RASGRP3: variants seen among roughly 807,000 people sequenced by gnomAD.
RASGRP3 encodes the protein ras guanyl-releasing protein 3.
Under a neutral mutation model 82.7 loss-of-function variants are expected in RASGRP3, and 54 were observed. The observed-to-expected ratio is 0.65, with a 90% CI of 0.52 to 0.82. RASGRP3 has a LOEUF of 0.82. Ranked by LOEUF, RASGRP3 falls within the 40% of genes least tolerant of loss-of-function variation. The pLI, the probability that RASGRP3 is intolerant of heterozygous loss-of-function variation, is 0.00. For missense variants in RASGRP3, 861 were observed against 828.9 expected, an observed-to-expected ratio of 1.04 and a Z score of -0.48; for synonymous variants, 309 against 300.5, an observed-to-expected ratio of 1.03 and a Z score of -0.29.
chr2:33,530,777 GC>G (rs1402021830), intron 10 of RASGRP3: 1 of 152,168 alleles, frequency 6.6e-6, no homozygotes, highest in African/African-American at 2.4e-5. Flanking sequence ...TGTATCCTTG[GC>G]CCCTTGAATA....
chr2:33,440,438 A>G (rs1381064772), intron 1 of RASGRP3, among the ~76,000 whole-genome samples: 1 of 152,222 alleles, frequency 6.6e-6, no homozygotes, highest in Non-Finnish European at 1.5e-5. Context: ...TGTAGGGGCC[A>G]AAGCCCTCAC....
At chr2:33,489,965 G>C (rs556708494) in intron 1 of RASGRP3, among the ~76,000 whole-genome samples, 1 of 152,322 alleles carries the variant, frequency 6.6e-6, no homozygotes, top group South Asian at 2.1e-4. Flanking sequence ...CAGGAAAAGA[G>C]AACTGAGGGC....
chr2:33,516,954 A>G (rs796332465), intron 4 of RASGRP3, among the ~76,000 whole-genome samples: 15 of 152,372 alleles, frequency 9.8e-5, no homozygotes, highest in African/African-American at 3.4e-4. Flanking sequence ...AGAATATTTA[A>G]CAATGATTCA....
intron 1 of RASGRP3, among the ~76,000 whole-genome samples, chr2:33,437,080 T>C (rs1163561201): frequency 2.6e-5 from 4 of 152,174 alleles, no homozygotes; most frequent in African/African-American, 7.2e-5. Context: ...GATAACAAAT[T>C]TTAATACAGG....
At chr2:33,495,935 C>G (rs555646574) in intron 1 of RASGRP3, among the ~76,000 whole-genome samples, 1 of 152,276 alleles carries the variant, frequency 6.6e-6, no homozygotes, top group East Asian at 1.9e-4. Context: ...AATGTTGCCT[C>G]ATGGGGATGC....
At chr2:33,476,337 C>G (rs1667366689), upstream of RASGRP3, 2 of 152,228 alleles carry the variant, frequency 1.3e-5, no homozygotes, top group Admixed American at 6.5e-5. Flanking sequence ...CCAGTCTCCC[C>G]CTCTGCGCAC....
At chr2:33,478,511 A>C (rs1285161620) in intron 1 of RASGRP3, among the ~76,000 whole-genome samples, 1 of 152,194 alleles carries the variant, frequency 6.6e-6, no homozygotes, top group Non-Finnish European at 1.5e-5. Context: ...AGCCTCCCAT[A>C]ATAAAATGGA....
intron 2 of RASGRP3, among the ~76,000 whole-genome samples, chr2:33,459,729 A>G (rs979128898): frequency 2.6e-5 from 4 of 152,132 alleles, no homozygotes; most frequent in African/African-American, 9.7e-5. Context: ...GATCAGTATA[A>G]ATGCAATGAA....
chr2:33,457,308 G>C (rs907611391), intron 2 of RASGRP3, among the ~76,000 whole-genome samples: 1 of 152,016 alleles, frequency 6.6e-6, no homozygotes, highest in South Asian at 2.1e-4. Flanking sequence ...AAAAAACCTG[G>C]AACCCTCTTT....
rs1017184282 is a variant in RASGRP3 at position 33,514,609 on chromosome 2, C to T, written c.-127-401C>T. Among the ~76,000 whole-genome samples, 4 of 151,330 alleles carry T rather than the reference C, an allele frequency of 2.6e-5. No individual in the cohort carries two copies. In the East Asian group the frequency reaches 7.7e-4, roughly 29 times the overall value. On this transcript the variant is annotated intron_variant, in intron 2 of 17. Transcript: ENST00000403687. ...CAGAAGTGGGAGAATTGCTTGAACC[C>T]GGGAGGTCGAGGCTGCTGTGAGCCG...
chr2:33,474,578 T>C (rs1015496505), upstream of RASGRP3, among the ~76,000 whole-genome samples: 3 of 152,122 alleles, frequency 2.0e-5, no homozygotes, highest in African/African-American at 7.2e-5. Flanking sequence ...GCTGGGATTA[T>C]AGGCATGAGC....
intron 12 of RASGRP3, among the ~76,000 whole-genome samples, chr2:33,542,765 C>T (rs1035044947): frequency 3.3e-5 from 4 of 121,602 alleles, no homozygotes; most frequent in African/African-American, 7.7e-5. Flanking sequence ...CTCACTGCAA[C>T]CTCCTCCTCC....
At chr2:33,455,849 G>A (rs1206108944) in intron 2 of RASGRP3, among the ~76,000 whole-genome samples, 2 of 152,196 alleles carry the variant, frequency 1.3e-5, no homozygotes, top group Admixed American at 1.3e-4. Context: ...CTCCTGGGGG[G>A]AGGAAGAGCA....
upstream of RASGRP3, among the ~76,000 whole-genome samples, chr2:33,473,254 G>C (rs1667166701): frequency 1.3e-5 from 2 of 152,056 alleles, no homozygotes; most frequent in African/African-American, 2.4e-5. Context: ...GTGGTGGCGG[G>C]TGCCTATAGT....
intron 13 of RASGRP3, among the ~76,000 whole-genome samples, chr2:33,547,204 A>G (rs1164021099): frequency 2.0e-5 from 3 of 152,094 alleles, no homozygotes; most frequent in African/African-American, 4.8e-5. Context: ...GAGCTAAATG[A>G]TGAGAACTCA....
chr2:33,449,631 A>G (rs887226421), intron 2 of RASGRP3, among the ~76,000 whole-genome samples: 1 of 152,008 alleles, frequency 6.6e-6, no homozygotes, highest in South Asian at 2.1e-4. Flanking sequence ...ATGGTAGTGC[A>G]TGCCTGTAGT....
intron 11 of RASGRP3, among the ~76,000 whole-genome samples, chr2:33,538,243 C>A (rs1464952834): frequency 2.6e-5 from 4 of 152,148 alleles, no homozygotes; most frequent in Admixed American, 2.6e-4. Context: ...TGACTCACAC[C>A]TGTAATCCCA....
rs867730335 is a variant in RASGRP3, at chr2:33,540,615, T to C, written c.1278+1405T>C. Among the ~76,000 whole-genome samples the C allele has an allele frequency of 5.0e-3, 614 of 121,810 alleles. 73 individuals are homozygous for C. The highest frequency in any genetic ancestry group is 0.032 in the South Asian group (114 of 3,562). The allele number at this position is 121,810 out of a possible 152,430, so 79.9% of individuals were successfully genotyped here. On this transcript the variant is annotated intron_variant, in intron 12 of 17. Transcript: ENST00000403687. Reference sequence around the variant, plus strand: ...GTGTGTGTGTGTGTGTCTGGGGAATTTCTCTCTCTCTCTCTCTCTCTCTCT... The same window carrying C: ...GTGTGTGTGTGTGTGTCTGGGGAATCTCTCTCTCTCTCTCTCTCTCTCTCT...
Position 33,508,850 on chromosome 2 carries a change from A to G in RASGRP3, c.-260-2860A>G, listed in dbSNP as rs150719388. Among the ~76,000 whole-genome samples, 5 of 152,252 alleles carry G rather than the reference A, an allele frequency of 3.3e-5. No individual in the cohort carries two copies. The East Asian group carries it at 9.6e-4, about 29-fold the overall frequency. On this transcript the variant is annotated intron_variant, in intron 1 of 17. Transcript: ENST00000403687. ...TTTTGGGCTATTGTATCATCTACCC[A>G]TGTCATGTTTCTAAAATTACTTCAG...
Sources: gnomAD v4.1 joint callset for allele counts (sites outside exome capture counted in the v4.1 genomes callset) on GRCh38, gnomAD v4.1.1 for gene constraint, MANE v1.5 for transcripts, NCBI Gene and HGNC (gene_info 2026-07-23, HGNC 2026-07-21) for gene names.